The following FSTL4 variants were observed in gnomAD, a reference collection of about 807,000 sequenced individuals.
FSTL4 encodes the protein follistatin like 4, also known as follistatin-related protein 4.
In FSTL4, 28 loss-of-function variants were observed where a neutral mutation model predicts 78.2. The observed-to-expected ratio is 0.36, with a 90% CI of 0.27 to 0.49. The LOEUF (loss-of-function observed/expected upper bound fraction) is 0.49. FSTL4 is among the 20% of genes least tolerant of loss of function. The pLI, the probability that FSTL4 is intolerant of heterozygous loss-of-function variation, is 0.98. For synonymous variants in FSTL4, 422 were observed against 440.5 expected (o/e 0.96, Z 0.53); for missense variants, 922 against 1,084.9 (o/e 0.85, Z 2.11).
the FSTL4 span, among the ~76,000 whole-genome samples, chr5:133,805,811 C>A: frequency 6.6e-6 from 1 of 152,186 alleles, no homozygotes; most frequent in South Asian, 2.1e-4. Flanking sequence ...GTGGGTGTAG[C>A]CCTGCACCAG....
At chr5:133,732,960 A>G in the FSTL4 span, among the ~76,000 whole-genome samples, 54 of 152,268 alleles carry the variant, frequency 3.5e-4, no homozygotes, top group Admixed American at 1.2e-3. Context: ...CATGCCACAC[A>G]TGGCTTCTCT....
chr5:133,657,282 A>G, the FSTL4 span, among the ~76,000 whole-genome samples: 7,914 of 152,202 alleles, frequency 0.052, 282 homozygotes, highest in South Asian at 0.11. Flanking sequence ...TGCAAGAAGG[A>G]TGGTGGACTT....
Position 133,312,783 on chromosome 5 carries a change from G to T in FSTL4, c.604-6C>A. ...TCCTGCTTCTTCAGCACATGCTGTG[G>T]GGTGAGGAGGAGAACAAGGCCAGAA... On this transcript the variant is annotated splice_polypyrimidine_tract_variant and splice_region_variant and intron_variant, in intron 5 of 15. Coordinates refer to ENST00000265342, the MANE Select transcript of FSTL4 (RefSeq NM_015082.2). 1.2e-6 allele frequency: 2 copies of T among 1,614,040 alleles called. No homozygotes were observed. Among genetic ancestry groups the T allele is most frequent in the Non-Finnish European group, 1.7e-6 (2 of 1,179,922 alleles).
At chr5:133,292,689 C>G (rs879582801) in intron 6 of FSTL4, among the ~76,000 whole-genome samples, 1 of 151,414 alleles carries the variant, frequency 6.6e-6, no homozygotes, top group Non-Finnish European at 1.5e-5. Context: ...TCTGTAGAGC[C>G]TGCCCCCACA....
the FSTL4 span, among the ~76,000 whole-genome samples, chr5:133,721,672 T>C: frequency 6.6e-6 from 1 of 152,194 alleles, no homozygotes; most frequent in Non-Finnish European, 1.5e-5. Flanking sequence ...TTCTCTTATA[T>C]GTGACTTGGT....
In FSTL4 at chr5:133,321,264, T is replaced by G. The variant is rs985953423; in HGVS notation, c.410-4612A>C. Among the ~76,000 whole-genome samples, 27 of 152,166 alleles carry G rather than the reference T, an allele frequency of 1.8e-4. 1 individual carries two copies. Among genetic ancestry groups the G allele is most frequent in the Admixed American group, 1.6e-3 (24 of 15,288 alleles). ...AGTGCTATTCACCCAAATCTCCACC[T>G]GGTGTATTCATCTTGGCCTCTGCTT... On this transcript the variant is annotated intron_variant, in intron 4 of 15. Coordinates refer to ENST00000265342, the MANE Select transcript of FSTL4 (RefSeq NM_015082.2).
intron 3 of FSTL4, among the ~76,000 whole-genome samples, chr5:133,449,600 G>A (rs146011527): frequency 3.9e-5 from 6 of 152,276 alleles, no homozygotes; most frequent in Admixed American, 6.5e-5. Flanking sequence ...CTGAAAGGGC[G>A]GATTACAGGG....
the FSTL4 span, among the ~76,000 whole-genome samples, chr5:133,657,632 C>T: frequency 6.6e-6 from 1 of 152,010 alleles, no homozygotes; most frequent in Non-Finnish European, 1.5e-5. Context: ...ATCTGGGTAT[C>T]CTTGAAAAAT....
intron 3 of FSTL4, among the ~76,000 whole-genome samples, chr5:133,497,596 G>A (rs1272745940): frequency 1.3e-5 from 2 of 152,086 alleles, no homozygotes; most frequent in Admixed American, 6.5e-5. Flanking sequence ...TGGGGGTCAC[G>A]CAGGCAGACA....
chr5:133,243,298 G>A (rs1031422665), intron 7 of FSTL4, among the ~76,000 whole-genome samples: 3 of 152,058 alleles, frequency 2.0e-5, no homozygotes, highest in African/African-American at 7.2e-5. Context: ...TACTGAGTTT[G>A]TTGTAGGCCT....
the FSTL4 span, among the ~76,000 whole-genome samples, chr5:133,739,287 C>CTT: frequency 0.023 from 3,320 of 143,896 alleles, 41 homozygotes; most frequent in Middle Eastern, 0.029. Flanking sequence ...TTTTCTTTTT[C>CTT]TTTTTTTTTT....
At chr5:133,329,949 A>G (rs1029223900) in intron 4 of FSTL4, among the ~76,000 whole-genome samples, 11 of 152,192 alleles carry the variant, frequency 7.2e-5, no homozygotes, top group Admixed American at 2.0e-4. Context: ...AGGCATTCCA[A>G]GGATGCACCT....
intron 1 of FSTL4, among the ~76,000 whole-genome samples, chr5:133,604,912 C>T (rs923925463): frequency 2.0e-5 from 3 of 152,096 alleles, no homozygotes; most frequent in Non-Finnish European, 4.4e-5. Flanking sequence ...TCCTGAGGCT[C>T]ACTTGATAAC....
intron 3 of FSTL4, among the ~76,000 whole-genome samples, chr5:133,454,663 G>A (rs1359329838): frequency 2.6e-5 from 4 of 152,216 alleles, no homozygotes; most frequent in East Asian, 1.9e-4. Flanking sequence ...TGAGGCAGCC[G>A]AGCGCGAGTC....
the FSTL4 span, among the ~76,000 whole-genome samples, chr5:133,781,534 G>C: frequency 6.6e-6 from 1 of 152,140 alleles, no homozygotes; most frequent in African/African-American, 2.4e-5. Flanking sequence ...CATTCACAGT[G>C]AGACTTCATT....
At chr5:133,649,241 G>A in the FSTL4 span, among the ~76,000 whole-genome samples, 1 of 152,068 alleles carries the variant, frequency 6.6e-6, no homozygotes, top group East Asian at 1.9e-4. Context: ...AGTCTGATGT[G>A]CCACAATCTA....
the FSTL4 span, among the ~76,000 whole-genome samples, chr5:133,621,276 T>C: frequency 1.3e-5 from 2 of 152,204 alleles, no homozygotes; most frequent in African/African-American, 2.4e-5. Context: ...GGCATGTGCC[T>C]GTAGTCCCAG....
At chr5:133,374,616 A>T (rs928023493) in intron 4 of FSTL4, among the ~76,000 whole-genome samples, 1 of 152,066 alleles carries the variant, frequency 6.6e-6, no homozygotes, top group East Asian at 1.9e-4. Flanking sequence ...TAAATCTCCA[A>T]TGTGATGATA....
chr5:133,413,748 A>G (rs1388792215), intron 3 of FSTL4, among the ~76,000 whole-genome samples: 2 of 151,574 alleles, frequency 1.3e-5, no homozygotes, highest in Non-Finnish European at 2.9e-5. Flanking sequence ...TCTATGTTGC[A>G]TTCTGTATAA....
Sources: gnomAD v4.1 joint callset for allele counts (sites outside exome capture counted in the v4.1 genomes callset) on GRCh38, gnomAD v4.1.1 for gene constraint, MANE v1.5 for transcripts, NCBI Gene and HGNC (gene_info 2026-07-23, HGNC 2026-07-21) for gene names.